The following MAP9 variants were observed in gnomAD, a reference collection of about 807,000 sequenced individuals.
MAP9 encodes the protein microtubule-associated protein 9.
Under a neutral mutation model 75.2 loss-of-function variants are expected in MAP9, and 80 were observed. That is an observed-to-expected ratio of 1.06 (90% CI 0.89 to 1.28). MAP9 has a LOEUF of 1.28. Among genes scored for constraint, MAP9 ranks in the 50% most tolerant of loss-of-function variants. The probability of loss-of-function intolerance (pLI) is 0.00; values close to 1 mark genes in which losing one functional copy is unlikely to be tolerated. For missense variants in MAP9, 753 were observed against 719.9 expected (o/e 1.05, Z -0.53); for synonymous variants, 235 against 237.3 (o/e 0.99, Z 0.09).
Position 155,342,847 on chromosome 4 carries a change from A to G in MAP9, c.*4936T>C, listed in dbSNP as rs1306371854. On this transcript the variant is annotated 3_prime_UTR_variant, in exon 14 of 14. Transcript: ENST00000311277. ...GAGTTTTCTGATATTGTAATACTAG[A>G]TACAAGATGTCTGAATAACTCCTTA... is the stretch of plus-strand genomic sequence containing the variant. 1.3e-5 allele frequency: 2 copies of G among 151,984 alleles called. No homozygotes were observed. The highest frequency in any genetic ancestry group is 4.8e-5 in the African/African-American group (2 of 41,406). The allele number at this position is 151,984 out of a possible 1,614,324, so 9.4% of individuals were successfully genotyped here.
intron 13 of MAP9, chr4:155,349,988 T>G: frequency 4.4e-6 from 1 of 226,660 alleles, no homozygotes; most frequent in Non-Finnish European, 8.8e-6. Flanking sequence ...AAAAAGTCCT[T>G]CAGACATTTA....
chr4:155,368,350 G>A, intron 5 of MAP9: 2 of 598,704 alleles, frequency 3.3e-6, no homozygotes, highest in African/African-American at 1.9e-5. Context: ...TTAATTGGAT[G>A]CATTTCCTTC....
At chr4:155,374,337 T>TGAAAAA (rs376304188) in intron 3 of MAP9, among the ~76,000 whole-genome samples, 5 of 108,094 alleles carry the variant, frequency 4.6e-5, no homozygotes, top group African/African-American at 7.9e-5. Flanking sequence ...AGACTCCATC[T>TGAAAAA]CAAAAACAAA....
intron 6 of MAP9, 120 bp downstream of exon 6, chr4:155,361,928 A>C: frequency 1.5e-6 from 1 of 653,888 alleles, no homozygotes; most frequent in Non-Finnish European, 2.5e-6. Context: ...CAGGATTAAA[A>C]CTCAAACACA....
At position 155,352,991 on chromosome 4, in the gene MAP9, A is replaced by G. The variant is rs779897624; in HGVS notation, c.1609T>C (p.Tyr537His). ...TCTTTCTGTTTCTTTGCTCTTTCATATTCTCTCTCCTTTCTATTTTTCTCT... is the reference window on the plus strand; with the variant it reads ...TCTTTCTGTTTCTTTGCTCTTTCATGTTCTCTCTCCTTTCTATTTTTCTCT... ...LKEKNRKERE[Y>H]ERAKKQKEEE... The change falls in exon 12 of 14, where the codon TAT (tyrosine) becomes CAT (histidine). Residue 537 changes from tyrosine (Y) to histidine (H), a missense_variant. Coordinates refer to ENST00000311277, the MANE Select transcript of MAP9 (RefSeq NM_001039580.2). The G allele has an allele frequency of 6.5e-7, 1 of 1,540,424 alleles. No individual in the cohort carries two copies. The highest frequency in any genetic ancestry group is 1.9e-5 in the Admixed American group (1 of 52,870).
intron 4 of MAP9, among the ~76,000 whole-genome samples, chr4:155,372,727 C>T (rs1455719291): frequency 1.3e-5 from 2 of 152,202 alleles, no homozygotes; most frequent in Non-Finnish European, 2.9e-5. Flanking sequence ...AAGGATTAGT[C>T]TCAATATTGC....
intron 6 of MAP9, among the ~76,000 whole-genome samples, chr4:155,361,708 T>C (rs1732087797): frequency 6.6e-6 from 1 of 152,052 alleles, no homozygotes; most frequent in African/African-American, 2.4e-5. Context: ...TATTATGTTG[T>C]CCTGCAGAAT....
At chr4:155,350,947 T>C (rs1731485324) in intron 13 of MAP9, 1 of 151,980 alleles carries the variant, frequency 6.6e-6, no homozygotes, top group Non-Finnish European at 1.5e-5. Context: ...TTAAGTTTAT[T>C]ATTGTTTTAT....
In MAP9 at chr4:155,346,559, C is replaced by T. The variant is rs771656200; in HGVS notation, c.*1224G>A. ...TCAACTCAGGCACACTCCAGATGGA[C>T]GGTAAGTTACTTGGTTTATCTGAGC... On this transcript the variant is annotated 3_prime_UTR_variant, in exon 14 of 14. Transcript: ENST00000311277. 6 of 152,076 alleles carry T rather than the reference C, an allele frequency of 3.9e-5. No individual in the cohort carries two copies. Among genetic ancestry groups the T allele is most frequent in the East Asian group, 1.9e-4 (1 of 5,186 alleles). The allele number at this position is 152,076 out of a possible 1,614,324, so 9.4% of individuals were successfully genotyped here.
chr4:155,376,248 T>A (rs1732837998), intron 1 of MAP9: 1 of 155,676 alleles, frequency 6.4e-6, no homozygotes, highest in Admixed American at 6.5e-5. Context: ...TCAAAATAAG[T>A]CACGTCTTAT....
chr4:155,351,646 T>G (rs1220799270), intron 13 of MAP9, among the ~76,000 whole-genome samples: 1 of 151,638 alleles, frequency 6.6e-6, no homozygotes, highest in Non-Finnish European at 1.5e-5. Flanking sequence ...AACAATCTAA[T>G]AGAAAAGTGT....
In MAP9 at chr4:155,362,087, A is replaced by T. The variant is rs769040078; in HGVS notation, c.763T>A (p.Ser255Thr). Reference sequence around the variant, plus strand: ...TTTCCCTCAGATCCTGGTGAAAAAGAATCTCCAAGAATTTGTTTAAGTGAT... The same window carrying T: ...TTTCCCTCAGATCCTGGTGAAAAAGTATCTCCAAGAATTTGTTTAAGTGAT... ...SSSLKQILGD[S>T]FSPGSEGNAS... Residue 255 changes from serine (S) to threonine (T), a missense_variant, in exon 6 of 14, where the codon TCT (serine) becomes ACT (threonine). Coordinates refer to ENST00000311277, the MANE Select transcript of MAP9 (RefSeq NM_001039580.2). The T allele has an allele frequency of 3.8e-5, 60 of 1,599,468 alleles. No homozygotes were observed. The highest frequency in any genetic ancestry group is 4.9e-5 in the Non-Finnish European group (58 of 1,175,430).
chr4:155,355,181 T>A, intron 9 of MAP9, 21 bp from the exon 10 acceptor site: 1 of 819,702 alleles, frequency 1.2e-6, no homozygotes, highest in Non-Finnish European at 1.8e-6. Flanking sequence ...AAGAAAAAGG[T>A]CATATAATAT....
rs749704986 is a variant in MAP9 at position 155,360,445 on chromosome 4, A to C, written c.803-30T>G. 48 of 1,563,634 alleles carry C rather than the reference A, an allele frequency of 3.1e-5. No homozygotes were observed. The South Asian group carries it at 5.5e-4, about 18-fold the overall frequency. On this transcript the variant is annotated intron_variant, in intron 6 of 13. Transcript: ENST00000311277. ...TTTGAGACAGAGTAATAGCATTAAA[A>C]CCCCCTTCTGAATTAATAAGGTAAA...
chr4:155,355,915 T>C, intron 8 of MAP9, 31 bp from the exon 9 acceptor site: 1 of 1,565,710 alleles, frequency 6.4e-7, no homozygotes, highest in Non-Finnish European at 8.8e-7. Context: ...CAAGACAAAA[T>C]ATTACAATTG....
chr4:155,373,474 A>AG lies in MAP9; in HGVS notation c.161-19_161-18insC. On this transcript the variant is annotated intron_variant, in intron 3 of 13. Coordinates refer to ENST00000311277, the MANE Select transcript of MAP9 (RefSeq NM_001039580.2). ...TAAAGAAACTGAAAAATGGAAAAGA[A>AG]AAATGTTTTCAACAGTATTTTTAAA... The AG allele has an allele frequency of 6.9e-7, 1 of 1,449,700 alleles. No homozygotes were observed. Among genetic ancestry groups the AG allele is most frequent in the Non-Finnish European group, 9.2e-7 (1 of 1,092,352 alleles). 89.8% of individuals were successfully genotyped at this position (1,449,700 alleles called of 1,614,324 possible).
chr4:155,373,880 A>C (rs1174350089), intron 3 of MAP9, among the ~76,000 whole-genome samples: 1 of 152,194 alleles, frequency 6.6e-6, no homozygotes, highest in Non-Finnish European at 1.5e-5. Context: ...GTAATTACTA[A>C]TTATATTTTT....
intron 7 of MAP9, among the ~76,000 whole-genome samples, chr4:155,358,314 G>C (rs768486174): frequency 8.5e-5 from 13 of 152,104 alleles, no homozygotes; most frequent in Non-Finnish European, 5.9e-5. Flanking sequence ...AGACTGATGG[G>C]TGCTAGTGGT....
Position 155,374,936 on chromosome 4 carries a change from C to A in MAP9, c.160+1G>T. 6.4e-7 allele frequency: 1 copy of A among 1,571,968 alleles called. No homozygotes were observed. Among genetic ancestry groups the A allele is most frequent in the Admixed American group, 1.7e-5 (1 of 58,600 alleles). Reference sequence around the variant, plus strand: ...GTTCACGTTTCCATACTGTCACATACCAATCTCATCACTGTCAAAGTCATC... The same window carrying A: ...GTTCACGTTTCCATACTGTCACATAACAATCTCATCACTGTCAAAGTCATC... On this transcript the variant is annotated splice_donor_variant, in intron 3 of 13. Coordinates refer to ENST00000311277, the MANE Select transcript of MAP9 (RefSeq NM_001039580.2). LOFTEE classifies it high-confidence loss of function.
Sources: allele counts gnomAD v4.1 joint callset (sites outside exome capture counted in the v4.1 genomes callset), GRCh38; gene constraint gnomAD v4.1.1; transcripts MANE v1.5; gene names NCBI Gene and HGNC (gene_info 2026-07-23, HGNC 2026-07-21).